DARS1: variants seen among roughly 807,000 people sequenced by gnomAD.
DARS1 encodes the protein aspartyl-tRNA synthetase 1.
DARS1 carries 51 observed loss-of-function variants against 68.8 expected under a neutral mutation model. The observed-to-expected ratio is 0.74, with a 90% CI of 0.59 to 0.94. The LOEUF (loss-of-function observed/expected upper bound fraction) is 0.94, where lower values mean the gene tolerates loss of function less well. Ranked by LOEUF, DARS1 falls within the 40% of genes least tolerant of loss-of-function variation. The pLI is 0.00. For synonymous variants in DARS1, 203 were observed against 190.4 expected (o/e 1.07, Z -0.55); for missense variants, 607 against 597.3 (o/e 1.02, Z -0.17).
intron 3 of DARS1, among the ~76,000 whole-genome samples, chr2:135,971,255 G>A (rs1682362102): frequency 1.3e-5 from 2 of 152,104 alleles, no homozygotes; most frequent in Non-Finnish European, 2.9e-5. Flanking sequence ...GACCAAGTGG[G>A]ATTTATCTCA....
At chr2:135,984,961 A>G (rs1206694441) in intron 1 of DARS1, among the ~76,000 whole-genome samples, 1 of 152,262 alleles carries the variant, frequency 6.6e-6, no homozygotes, top group Admixed American at 6.5e-5. Context: ...GTCATTAAAC[A>G]TATTGGCAGA....
intron 4 of DARS1, among the ~76,000 whole-genome samples, chr2:135,958,812 TACC>T (rs1038986771): frequency 1.3e-5 from 2 of 152,180 alleles, no homozygotes; most frequent in African/African-American, 4.8e-5. Context: ...GTTATCTATG[TACC>T]ACATGTTGAA....
rs771113496 is a variant in DARS1, at chr2:135,911,180, G to A, written c.1373C>T (p.Ser458Phe). 2 of 1,548,538 alleles carry A rather than the reference G, an allele frequency of 1.3e-6. No individual in the cohort carries two copies. The highest frequency in any genetic ancestry group is 1.8e-6 in the Non-Finnish European group (2 of 1,120,804). The change falls in exon 15 of 16, where the codon TCC becomes TTC. Residue 458 changes from serine (S) to phenylalanine (F), a missense_variant. By Grantham distance (155) the Ser-to-Phe change is radical. Coordinates refer to ENST00000264161, the MANE Select transcript of DARS1 (RefSeq NM_001349.4). The part of the protein sequence containing the change: ...DLEKIKAYID[S>F]FRFGAPPHAG... ...ATGAGGAGGGGCTCCAAAGCGGAAG[G>A]AATCAATGTAAGCCTTAATTTTCTC...
chr2:135,953,411 A>G (rs1217875617), intron 4 of DARS1, among the ~76,000 whole-genome samples: 1 of 152,158 alleles, frequency 6.6e-6, no homozygotes, highest in African/African-American at 2.4e-5. Flanking sequence ...TTTATTTTCA[A>G]CATCAGTGGC....
intron 4 of DARS1, among the ~76,000 whole-genome samples, chr2:135,953,084 T>C (rs1324799941): frequency 2.0e-5 from 3 of 152,226 alleles, no homozygotes; most frequent in Admixed American, 6.5e-5. Flanking sequence ...GTGGTTTTTA[T>C]TGCACAATTT....
At chr2:135,965,164 G>C (rs993411432) in intron 3 of DARS1, among the ~76,000 whole-genome samples, 10 of 151,914 alleles carry the variant, frequency 6.6e-5, no homozygotes, top group Non-Finnish European at 1.3e-4. Flanking sequence ...ACACCCCAAC[G>C]AATACAGAGT....
chr2:135,939,632 T>C (rs1199415730), intron 5 of DARS1, among the ~76,000 whole-genome samples: 1 of 152,142 alleles, frequency 6.6e-6, no homozygotes, highest in Non-Finnish European at 1.5e-5. Context: ...ATTCAAAAGC[T>C]AGCAGAAGGC....
In DARS1 at chr2:135,974,137, C is replaced by T. The variant is rs150877902; in HGVS notation, c.217+5137G>A. On this transcript the variant is annotated intron_variant, in intron 3 of 15. Coordinates refer to ENST00000264161, the MANE Select transcript of DARS1 (RefSeq NM_001349.4). ...GGCATTAAAGAGACTGTGAAAGGGA[C>T]GCTTATTTACAGTATGAGAGCTGAA... Among the ~76,000 whole-genome samples the T allele has an allele frequency of 1.5e-3, 230 of 152,246 alleles. 1 individual carries two copies. Among genetic ancestry groups the T allele is most frequent in the African/African-American group, 5.1e-3 (211 of 41,544 alleles).
At chr2:135,924,642 C>A (rs1411769108) in intron 7 of DARS1, 144 bp from the exon 8 acceptor site, 3 of 1,254,062 alleles carry the variant, frequency 2.4e-6, no homozygotes, top group African/African-American at 1.6e-5. Flanking sequence ...CGAAAGGACA[C>A]GAATAAATAC....
chr2:135,941,150 G>GA (rs1380890060), intron 5 of DARS1, among the ~76,000 whole-genome samples: 1 of 152,094 alleles, frequency 6.6e-6, no homozygotes, highest in African/African-American at 2.4e-5. Flanking sequence ...CACAGAATTG[G>GA]AAAAAACTAC....
intron 15 of DARS1, 39 bp downstream of exon 15, chr2:135,911,100 A>T: frequency 1.2e-6 from 1 of 863,740 alleles, no homozygotes; most frequent in Non-Finnish European, 1.9e-6. Flanking sequence ...TTATACTTAG[A>T]ACTTATGAAC....
intron 15 of DARS1, among the ~76,000 whole-genome samples, chr2:135,908,267 C>A (rs975496601): frequency 6.6e-6 from 1 of 152,088 alleles, no homozygotes; most frequent in Non-Finnish European, 1.5e-5. Context: ...TATTCTTTTT[C>A]CTCCTCCAAT....
At chr2:135,966,676 C>T (rs776092455) in intron 3 of DARS1, among the ~76,000 whole-genome samples, 13 of 152,086 alleles carry the variant, frequency 8.5e-5, no homozygotes, top group Non-Finnish European at 1.5e-4. Context: ...GGATTACAAG[C>T]GTGTAATCCC....
At chr2:135,935,603 A>T (rs1288663418) in intron 5 of DARS1, among the ~76,000 whole-genome samples, 1 of 152,144 alleles carries the variant, frequency 6.6e-6, no homozygotes, top group Non-Finnish European at 1.5e-5. Flanking sequence ...CTGTCTCGAA[A>T]AAATAAATAA....
At chr2:135,975,972 A>G (rs1387672301) in intron 3 of DARS1, among the ~76,000 whole-genome samples, 1 of 152,092 alleles carries the variant, frequency 6.6e-6, no homozygotes, top group Non-Finnish European at 1.5e-5. Flanking sequence ...AAAAAAACCC[A>G]CAAATCTGTA....
rs566520003 is a variant in DARS1, at chr2:135,973,824, C to T, written c.217+5450G>A. ...ACAGGTGCAGTGAGTTGAGATCACA[C>T]GGCTGCACGCCAGCCTGGGCCATAC... is the stretch of plus-strand genomic sequence containing the variant. On this transcript the variant is annotated intron_variant, in intron 3 of 15. Transcript: ENST00000264161. Among the ~76,000 whole-genome samples, 5 of 152,102 alleles carry T rather than the reference C, an allele frequency of 3.3e-5. No homozygotes were observed. In the East Asian group the frequency reaches 7.7e-4, roughly 23 times the overall value.
intron 6 of DARS1, among the ~76,000 whole-genome samples, chr2:135,933,316 A>T (rs1458240959): frequency 6.6e-6 from 1 of 152,238 alleles, no homozygotes; most frequent in African/African-American, 2.4e-5. Context: ...TTCACTCTTC[A>T]TGAGTATACT....
In DARS1 at chr2:135,922,896, AT is replaced by A; in HGVS notation, c.698del (p.Asn233MetfsTer51). The A allele has an allele frequency of 6.4e-7, 1 of 1,558,976 alleles. No homozygotes were observed. The highest frequency in any genetic ancestry group is 1.4e-5 in the African/African-American group (1 of 72,524). ...TTTTAAAATATGACACAGTAAAAAC[AT>A]TGGCTCCTCCTTCACTGGCAGCTGA... is the stretch of plus-strand genomic sequence containing the variant. Reference protein sequence around the residue: ...IISAASEGGANVFTVSYFKNN... With the variant: ...IISAASEGGAXVFTVSYFKNN... On this transcript the variant is annotated frameshift_variant, in exon 9 of 16. Transcript: ENST00000264161. LOFTEE classifies it high-confidence loss of function.
chr2:135,979,890 C>A (rs309113), intron 2 of DARS1, among the ~76,000 whole-genome samples: 37,820 of 152,138 alleles, frequency 0.25, 5,663 homozygotes, highest in Middle Eastern at 0.41. Flanking sequence ...TGAGCTAATG[C>A]AAGTCTTTCT....
Sources: gnomAD v4.1 joint callset for allele counts (sites outside exome capture counted in the v4.1 genomes callset) on GRCh38, gnomAD v4.1.1 for gene constraint, MANE v1.5 for transcripts, NCBI Gene and HGNC (gene_info 2026-07-23, HGNC 2026-07-21) for gene names.